Variants in PCSK7 observed in about 807,000 individuals in gnomAD.
The protein encoded by PCSK7 is proprotein convertase subtilisin/kexin type 7, also known as lymphoma proprotein convertase.
In PCSK7, 38 loss-of-function variants were observed where a neutral mutation model predicts 73.3. The ratio of observed to expected loss-of-function variants is 0.52; its 90% confidence interval spans 0.40 to 0.68. The LOEUF is 0.68. PCSK7 is among the 30% of genes least tolerant of loss of function. PCSK7 has a pLI of 0.00. For missense variants in PCSK7, 692 were observed against 991.5 expected (o/e 0.70, Z 4.06); for synonymous variants, 296 against 383.8 (o/e 0.77, Z 2.68).
chr11:117,223,358 G>A (rs1162894749), intron 8 of PCSK7, 50 bp from the exon 9 acceptor site: 1 of 1,120,496 alleles, frequency 8.9e-7, no homozygotes, highest in African/African-American at 1.5e-5. Context: ...GGGGTCCTGT[G>A]GCAGGGGCTT....
chr11:117,225,842 C>G, intron 6 of PCSK7, 89 bp downstream of exon 6: 1 of 816,670 alleles, frequency 1.2e-6, no homozygotes, highest in Non-Finnish European at 2.1e-6. Flanking sequence ...CCTGCTCCGG[C>G]CTAAGTCAGC....
chr11:117,224,409 CTG>C (rs2032329804), intron 7 of PCSK7, among the ~76,000 whole-genome samples, 193 bp from the exon 8 acceptor site: 1 of 152,122 alleles, frequency 6.6e-6, no homozygotes. Flanking sequence ...TGTGGGGCAG[CTG>C]TGAGTTGAAT....
At position 117,225,972 on chromosome 11, in the gene PCSK7, C is replaced by T. The variant is rs201536199; in HGVS notation, c.819G>A (p.Ala273=). Reference sequence around the variant, plus strand: ...CATTGATCTGATAGTGCTTGTTGAACGCCACTGCCTCCATGCTGTCTGTGA... The same window carrying T: ...CATTGATCTGATAGTGCTTGTTGAATGCCACTGCCTCCATGCTGTCTGTGA... ...GPLTDSMEAV[A]FNKHYQINDI... The change falls in exon 6 of 17, where the codon GCG becomes GCA. Residue 273 remains alanine (A), a synonymous_variant. Transcript: ENST00000320934. 3.2e-5 allele frequency: 52 copies of T among 1,612,382 alleles called. 1 individual carries two copies. The highest frequency in any genetic ancestry group is 2.5e-4 in the East Asian group (11 of 44,868).
intron 6 of PCSK7, 91 bp downstream of exon 6, chr11:117,225,840 G>A (rs1375665280): frequency 2.0e-5 from 16 of 801,364 alleles, no homozygotes; most frequent in South Asian, 4.1e-5. Flanking sequence ...CCCCTGCTCC[G>A]GCCTAAGTCA....
intron 12 of PCSK7, chr11:117,215,364 T>TTTTTGTGTGTGTGTGTG (rs57433360): frequency 1.2e-5 from 1 of 84,902 alleles, no homozygotes; most frequent in Admixed American, 1.2e-4. Context: ...CCTGGCTAAT[T>TTTTTGTGTGTGTGTGTG]TGTGTGTGTG....
chr11:117,208,780 A>G (rs2031565035), intron 13 of PCSK7, 117 bp downstream of exon 13: 2 of 1,011,250 alleles, frequency 2.0e-6, no homozygotes, highest in South Asian at 1.9e-5. Flanking sequence ...TCCAGCCGCC[A>G]GGGATAGCCA....
At chr11:117,224,867 C>T in intron 6 of PCSK7, 112 bp from the exon 7 acceptor site, 1 of 781,356 alleles carries the variant, frequency 1.3e-6, no homozygotes, top group Non-Finnish European at 2.3e-6. Flanking sequence ...TTAACTCCTC[C>T]CAAGGGTTCC....
intron 8 of PCSK7, chr11:117,223,766 G>A (rs2032300436): frequency 1.0e-5 from 4 of 401,664 alleles, no homozygotes; most frequent in South Asian, 7.0e-5. Flanking sequence ...ATTTAGGCCT[G>A]TGGGGAGTCA....
At position 117,229,504 on chromosome 11, in the gene PCSK7, C is replaced by T. The variant is rs1292404349; in HGVS notation, c.341G>A (p.Arg114Gln). The T allele has an allele frequency of 1.1e-5, 18 of 1,612,478 alleles. No homozygotes were observed. Among genetic ancestry groups the T allele is most frequent in the East Asian group, 2.2e-5 (1 of 44,902 alleles). Residue 114 changes from arginine to glutamine, a missense_variant, in exon 3 of 17, where the codon CGG becomes CAG. Arg to Gln is a conservative substitution (Grantham distance 43). Transcript: ENST00000320934. The part of the protein sequence containing the change: ...HRPALEVEAI[R>Q]QQVEAVLAGH... The stretch of plus-strand genomic sequence containing the variant: ...AGCCAACACAGCCTCCACCTGCTGC[C>T]GGATGGCCTCCACCTCCAGGGCCGG...
In PCSK7 at chr11:117,229,337, C is replaced by T. The variant is rs150061344; in HGVS notation, c.468+40G>A. The T allele has an allele frequency of 5.7e-4, 853 of 1,484,352 alleles. 2 individuals carry two copies. The African/African-American group carries it at 9.4e-3, about 16-fold the overall frequency. 91.9% of individuals were successfully genotyped at this position (1,484,352 alleles called of 1,614,324 possible). A position where few individuals can be genotyped will look rare whatever the true frequency, so the allele number is the denominator to read the frequency against. On this transcript the variant is annotated intron_variant, in intron 3 of 16. Coordinates refer to ENST00000320934, the MANE Select transcript of PCSK7 (RefSeq NM_004716.4). Reference sequence around the variant, plus strand: ...AGCCCATTAAAGAACTGGACTGGAACCTACCCACCTGAAACTGCAAACTGC... The same window carrying T: ...AGCCCATTAAAGAACTGGACTGGAATCTACCCACCTGAAACTGCAAACTGC...
At chr11:117,222,075 A>T (rs1357191959) in intron 9 of PCSK7, 1 of 152,210 alleles carries the variant, frequency 6.6e-6, no homozygotes, top group Non-Finnish European at 1.5e-5. Context: ...CCTAATTCCC[A>T]ATGGCCCCAG....
chr11:117,212,535 C>G (rs1008088729), intron 12 of PCSK7: 1 of 151,548 alleles, frequency 6.6e-6, no homozygotes, highest in Non-Finnish European at 1.5e-5. Context: ...CCTCCCACCT[C>G]CCAAGTAGCT....
chr11:117,217,173 G>T (rs1437816796), intron 12 of PCSK7: 2 of 152,192 alleles, frequency 1.3e-5, no homozygotes, highest in Non-Finnish European at 2.9e-5. Context: ...GCAGTTGCCA[G>T]ATGCCTCAAT....
At chr11:117,224,987 T>C (rs1002120164) in intron 6 of PCSK7, 2 of 500,094 alleles carry the variant, frequency 4.0e-6, no homozygotes, top group South Asian at 2.4e-5. Context: ...AATGTCCCCA[T>C]AGCCCATAGT....
At chr11:117,226,317 G>A (rs991064867) in intron 5 of PCSK7, 4 of 373,582 alleles carry the variant, frequency 1.1e-5, no homozygotes, top group Admixed American at 3.7e-5. Flanking sequence ...TGTATTTTTA[G>A]TAGAGATGGG....
At chr11:117,219,511 A>G in intron 10 of PCSK7, 80 bp downstream of exon 10, 1 of 1,314,154 alleles carries the variant, frequency 7.6e-7, no homozygotes, top group Non-Finnish European at 1.1e-6. Context: ...CATTTGGGAC[A>G]TTGAGAATCT....
In PCSK7 at chr11:117,208,928, A is replaced by G. The variant is rs748136340; in HGVS notation, c.1660T>C (p.Ser554Pro). Residue 554 changes from serine to proline, a missense_variant, in exon 13 of 17, where the codon TCC (serine) becomes CCC (proline). Transcript: ENST00000320934. ...LKLFCPSGMM[S>P]LIGAPRSMDS... Reference sequence around the variant, plus strand: ...ATGCTGCGGGGGGCGCCGATGAGGGACATCATGCCACTGGGGCAGAACAGC... The same window carrying G: ...ATGCTGCGGGGGGCGCCGATGAGGGGCATCATGCCACTGGGGCAGAACAGC... The G allele has an allele frequency of 6.2e-7, 1 of 1,613,006 alleles. No homozygotes were observed. The highest frequency in any genetic ancestry group is 8.5e-7 in the Non-Finnish European group (1 of 1,179,954).
Position 117,224,726 on chromosome 11 carries a change from ACT to A in PCSK7, c.888_889del (p.Val297GlyfsTer59). 1 of 1,613,728 alleles carries A rather than the reference ACT, an allele frequency of 6.2e-7. No homozygotes were observed. The highest frequency in any genetic ancestry group is 8.5e-7 in the Non-Finnish European group (1 of 1,179,678). On this transcript the variant is annotated frameshift_variant, in exon 7 of 17. Transcript: ENST00000320934. LOFTEE classifies it high-confidence loss of function. Reference sequence around the variant, plus strand: ...CTTTCCAAGCTGATGGGGGCCATCCACTGTCTTCCCATCGTCATCTGGTCCCC... The same window carrying A: ...CTTTCCAAGCTGATGGGGGCCATCCAGTCTTCCCATCGTCATCTGGTCCCC...
intron 8 of PCSK7, chr11:117,223,809 C>T (rs548388341): frequency 4.4e-6 from 2 of 451,374 alleles, no homozygotes; most frequent in South Asian, 6.6e-5. Flanking sequence ...AGGTGGCCCA[C>T]AGAAAGACAG....
Sources: allele counts gnomAD v4.1 joint callset (sites outside exome capture counted in the v4.1 genomes callset), GRCh38; gene constraint gnomAD v4.1.1; transcripts MANE v1.5; gene names NCBI Gene and HGNC (gene_info 2026-07-23, HGNC 2026-07-21).